EGFLAM: variants seen among roughly 807,000 people sequenced by gnomAD.
The protein encoded by EGFLAM is pikachurin.
In EGFLAM, 79 loss-of-function variants were observed where a neutral mutation model predicts 113.1. The ratio of observed to expected loss-of-function variants is 0.70; its 90% confidence interval spans 0.58 to 0.84. The LOEUF is 0.84. Ranked by LOEUF, EGFLAM falls within the 40% of genes least tolerant of loss-of-function variation. The probability of loss-of-function intolerance (pLI) is 0.00; values close to 1 mark genes in which losing one functional copy is unlikely to be tolerated. For missense variants in EGFLAM, 1,265 were observed against 1,291.6 expected (o/e 0.98, Z 0.32); for synonymous variants, 504 against 487.6 (o/e 1.03, Z -0.44).
intron 18 of EGFLAM, 156 bp downstream of exon 18, chr5:38,448,535 A>C: frequency 1.4e-6 from 1 of 708,774 alleles, no homozygotes; most frequent in Non-Finnish European, 2.4e-6. Context: ...AACAAGAAAT[A>C]AACATAGAAA....
At chr5:38,373,042 A>G (rs1367608805) in intron 6 of EGFLAM, among the ~76,000 whole-genome samples, 1 of 152,198 alleles carries the variant, frequency 6.6e-6, no homozygotes, top group East Asian at 1.9e-4. Flanking sequence ...ATTACTTCAA[A>G]TTAATAAATT....
At chr5:38,325,590 C>CCT (rs1364489781) in intron 1 of EGFLAM, among the ~76,000 whole-genome samples, 1 of 152,182 alleles carries the variant, frequency 6.6e-6, no homozygotes, top group Non-Finnish European at 1.5e-5. Context: ...AAGGCACCTC[C>CCT]CTCTCTCTGT....
intron 6 of EGFLAM, among the ~76,000 whole-genome samples, chr5:38,384,648 T>C (rs1474549543): frequency 6.6e-6 from 1 of 152,162 alleles, no homozygotes; most frequent in Non-Finnish European, 1.5e-5. Context: ...CTGAAGGCAG[T>C]CTGTGCAGTG....
At chr5:38,424,100 T>C (rs1741922922) in intron 12 of EGFLAM, among the ~76,000 whole-genome samples, 2 of 152,190 alleles carry the variant, frequency 1.3e-5, no homozygotes, top group Admixed American at 6.5e-5. Context: ...TTGTACTCCC[T>C]CATGTGGTTC....
intron 6 of EGFLAM, chr5:38,400,125 A>C (rs1257728311): frequency 1.3e-5 from 2 of 152,206 alleles, no homozygotes; most frequent in Non-Finnish European, 2.9e-5. Context: ...AGAGAGATGA[A>C]GTGGCCTGCT....
intron 15 of EGFLAM, among the ~76,000 whole-genome samples, chr5:38,432,754 G>A (rs1026027617): frequency 6.6e-6 from 1 of 152,144 alleles, no homozygotes; most frequent in East Asian, 1.9e-4. Context: ...AAAAGTAGGG[G>A]CAAGGTCCAT....
rs150416235 is a variant in EGFLAM at position 38,273,820 on chromosome 5, C to A, written c.97+14969C>A. 3.4e-3 allele frequency among the ~76,000 whole-genome samples: 524 copies of A among 152,264 alleles called. 1 individual carries two copies. The highest frequency in any genetic ancestry group is 5.5e-3 in the Non-Finnish European group (376 of 68,024). On this transcript the variant is annotated intron_variant, in intron 1 of 21. Coordinates refer to ENST00000322350, the MANE Select transcript of EGFLAM (RefSeq NM_152403.4). ...GACACATGACCAAAATGATCAAGAACAATTTGGGAAACATGACATCATCAG... is the reference window on the plus strand; with the variant it reads ...GACACATGACCAAAATGATCAAGAAAAATTTGGGAAACATGACATCATCAG...
chr5:38,261,272 A>G (rs1020145915), intron 1 of EGFLAM, among the ~76,000 whole-genome samples: 8 of 152,232 alleles, frequency 5.3e-5, no homozygotes, highest in African/African-American at 1.9e-4. Flanking sequence ...TTGAACATTA[A>G]TAAAGAAACC....
At chr5:38,396,063 T>TTTTTTTTTTTTTTTTTTTTTG (rs1482050151) in intron 6 of EGFLAM, among the ~76,000 whole-genome samples, 2 of 151,960 alleles carry the variant, frequency 1.3e-5, no homozygotes, top group Non-Finnish European at 2.9e-5. Flanking sequence ...ACCCACTCTT[T>TTTTTTTTTTTTTTTTTTTTTG]AAAAGCCTCC....
intron 6 of EGFLAM, among the ~76,000 whole-genome samples, chr5:38,377,885 A>G (rs984319144): frequency 2.6e-5 from 4 of 152,196 alleles, no homozygotes; most frequent in Admixed American, 1.3e-4. Context: ...ACTCTCTTTC[A>G]AACCAAGCCC....
chr5:38,296,009 T>C (rs908678571), intron 1 of EGFLAM, among the ~76,000 whole-genome samples: 2 of 152,148 alleles, frequency 1.3e-5, no homozygotes. Context: ...GGGGGACGGG[T>C]TGCCATGTCT....
intron 20 of EGFLAM, among the ~76,000 whole-genome samples, chr5:38,462,090 C>A (rs1194829191): frequency 6.6e-6 from 1 of 152,066 alleles, no homozygotes; most frequent in East Asian, 1.9e-4. Context: ...ATGGCGTGAA[C>A]CCCGGGGGGC....
At chr5:38,364,636 C>G (rs1004287796) in intron 5 of EGFLAM, among the ~76,000 whole-genome samples, 7 of 152,106 alleles carry the variant, frequency 4.6e-5, no homozygotes, top group Non-Finnish European at 1.0e-4. Context: ...GCATTCCCGT[C>G]TTTGAAAGAT....
At chr5:38,452,434 C>T (rs1034491706) in intron 19 of EGFLAM, among the ~76,000 whole-genome samples, 29 of 152,316 alleles carry the variant, frequency 1.9e-4, no homozygotes, top group African/African-American at 6.3e-4. Context: ...AGGAATTGAC[C>T]GTCTAGCCCT....
intron 16 of EGFLAM, 92 bp from the exon 17 acceptor site, chr5:38,438,183 G>A (rs1742412457): frequency 2.2e-6 from 3 of 1,375,322 alleles, no homozygotes; most frequent in East Asian, 4.9e-5. Context: ...ATCTCCCTAT[G>A]TGTAGCTCAG....
chr5:38,423,946 C>T (rs879359506), intron 12 of EGFLAM, among the ~76,000 whole-genome samples: 3 of 152,142 alleles, frequency 2.0e-5, no homozygotes, highest in Non-Finnish European at 2.9e-5. Context: ...CGAGATGACA[C>T]ACTCAGGCCA....
At chr5:38,318,516 A>G (rs529687955) in intron 1 of EGFLAM, among the ~76,000 whole-genome samples, 4 of 151,856 alleles carry the variant, frequency 2.6e-5, no homozygotes, top group African/African-American at 7.2e-5. Flanking sequence ...ATACTATACT[A>G]TAGTAACTCT....
chr5:38,420,993 G>A (rs1186198108), intron 12 of EGFLAM, among the ~76,000 whole-genome samples: 1 of 152,110 alleles, frequency 6.6e-6, no homozygotes, highest in Admixed American at 6.5e-5. Flanking sequence ...ATAAGAGTGG[G>A]GCTGATTATC....
At chr5:38,334,883 G>A (rs533088177) in intron 1 of EGFLAM, among the ~76,000 whole-genome samples, 1 of 152,230 alleles carries the variant, frequency 6.6e-6, no homozygotes, top group African/African-American at 2.4e-5. Flanking sequence ...TAAATCAACG[G>A]TTCTCAACGG....
Sources: gnomAD v4.1 joint callset for allele counts (sites outside exome capture counted in the v4.1 genomes callset) on GRCh38, gnomAD v4.1.1 for gene constraint, MANE v1.5 for transcripts, NCBI Gene and HGNC (gene_info 2026-07-23, HGNC 2026-07-21) for gene names.